IGF1R: variants seen among roughly 807,000 people sequenced by gnomAD.
IGF1R encodes the protein insulin like growth factor 1 receptor.
Under a neutral mutation model 144.6 loss-of-function variants are expected in IGF1R, and 44 were observed. The observed-to-expected ratio is 0.30, with a 90% CI of 0.24 to 0.39. The LOEUF is 0.39. Among genes scored for constraint, IGF1R ranks in the 10% least tolerant of loss-of-function variants. The pLI is 1.00. For synonymous variants in IGF1R, 795 were observed against 722.8 expected, an observed-to-expected ratio of 1.10 and a Z score of -1.60; for missense variants, 1,355 against 1,833.7, an observed-to-expected ratio of 0.74 and a Z score of 4.77.
At chr15:98,875,627 G>A (rs1386475715) in intron 2 of IGF1R, among the ~76,000 whole-genome samples, 1 of 151,936 alleles carries the variant, frequency 6.6e-6, no homozygotes, top group Non-Finnish European at 1.5e-5. Context: ...CTGTAGAGCT[G>A]CCCTGCTTGT....
chr15:98,764,070 G>T (rs1277438514), intron 2 of IGF1R, among the ~76,000 whole-genome samples: 5 of 152,214 alleles, frequency 3.3e-5, no homozygotes, highest in Non-Finnish European at 7.3e-5. Context: ...ATTTGTTCTT[G>T]TGAGGGCTGT....
Position 98,922,488 on chromosome 15 carries a change from A to G in IGF1R, c.2485+57A>G, listed in dbSNP as rs746007986. ...CCTTCCTCACAACCTAGTGGAGAAG[A>G]TGTGTTTTATGGACACAGGGTCTGA... On this transcript the variant is annotated intron_variant, in intron 11 of 20. Coordinates refer to ENST00000650285, the MANE Select transcript of IGF1R (RefSeq NM_000875.5). 2.5e-6 allele frequency: 4 copies of G among 1,581,598 alleles called. No individual in the cohort carries two copies. In the South Asian group the frequency reaches 3.3e-5, roughly 13 times the overall value.
chr15:98,654,269 T>C (rs2052436258), intron 1 of IGF1R, among the ~76,000 whole-genome samples: 4 of 152,210 alleles, frequency 2.6e-5, no homozygotes, highest in African/African-American at 9.7e-5. Context: ...GGCGGCACTG[T>C]CTTCTTTATA....
At chr15:98,684,470 G>A (rs553392288) in intron 1 of IGF1R, among the ~76,000 whole-genome samples, 1 of 152,134 alleles carries the variant, frequency 6.6e-6, no homozygotes, top group African/African-American at 2.4e-5. Context: ...AAAAAAAAAT[G>A]TATTCAGCCA....
At chr15:98,650,362 CG>C (rs1016368294) in intron 1 of IGF1R, among the ~76,000 whole-genome samples, 24 of 152,222 alleles carry the variant, frequency 1.6e-4, no homozygotes, top group Admixed American at 1.3e-4. Flanking sequence ...CCCGGCGTCC[CG>C]GGGCTGGGCG....
chr15:98,833,450 G>T (rs2715436), intron 2 of IGF1R, among the ~76,000 whole-genome samples: 2 of 152,140 alleles, frequency 1.3e-5, no homozygotes, highest in Non-Finnish European at 2.9e-5. Flanking sequence ...GCTATTTTGT[G>T]GAAGTGAGCG....
At chr15:98,800,622 C>G (rs762088469) in intron 2 of IGF1R, among the ~76,000 whole-genome samples, 1 of 152,176 alleles carries the variant, frequency 6.6e-6, no homozygotes, top group Non-Finnish European at 1.5e-5. Context: ...TGCAGGATGC[C>G]CTCCCAGCCC....
rs151002057 is a variant in IGF1R at position 98,912,236 on chromosome 15, T to C, written c.1589+795T>C. Among the ~76,000 whole-genome samples, 5 of 152,374 alleles carry C rather than the reference T, an allele frequency of 3.3e-5. No individual in the cohort carries two copies. In the East Asian group the frequency reaches 5.8e-4, roughly 18 times the overall value. Reference sequence around the variant, plus strand: ...AAGAGCAGCAACCAGAGGCACCTTATGACAGCATCTTGTACTCTTTCCTCC... The same window carrying C: ...AAGAGCAGCAACCAGAGGCACCTTACGACAGCATCTTGTACTCTTTCCTCC... On this transcript the variant is annotated intron_variant, in intron 7 of 20. Transcript: ENST00000650285.
intron 2 of IGF1R, among the ~76,000 whole-genome samples, chr15:98,883,672 C>T (rs968753150): frequency 2.0e-5 from 3 of 152,186 alleles, no homozygotes; most frequent in Non-Finnish European, 4.4e-5. Context: ...GTGGACTCAG[C>T]GCCTGCCCCG....
chr15:98,712,791 G>A (rs1233720167), intron 2 of IGF1R, among the ~76,000 whole-genome samples: 5 of 151,246 alleles, frequency 3.3e-5, no homozygotes, highest in Admixed American at 1.3e-4. Flanking sequence ...TGTATTTTTA[G>A]TAGAGACGGG....
intron 8 of IGF1R, among the ~76,000 whole-genome samples, chr15:98,915,130 C>CT (rs1054213115): frequency 6.6e-5 from 10 of 152,154 alleles, no homozygotes; most frequent in Non-Finnish European, 1.5e-4. Flanking sequence ...AACATTGATG[C>CT]TTTTTTGTGA....
At chr15:98,769,109 C>T (rs1227073301) in intron 2 of IGF1R, among the ~76,000 whole-genome samples, 2 of 152,226 alleles carry the variant, frequency 1.3e-5, no homozygotes, top group Admixed American at 6.5e-5. Context: ...AAATAATCAG[C>T]AACAGTTTTA....
intron 1 of IGF1R, among the ~76,000 whole-genome samples, chr15:98,666,719 G>A (rs1282151518): frequency 6.6e-6 from 1 of 152,144 alleles, no homozygotes; most frequent in African/African-American, 2.4e-5. Context: ...AGAATGGTGA[G>A]GGGCGGTGAA....
intron 2 of IGF1R, among the ~76,000 whole-genome samples, chr15:98,783,304 C>A (rs905260595): frequency 6.6e-6 from 1 of 152,032 alleles, no homozygotes; most frequent in African/African-American, 2.4e-5. Context: ...CACCTACTTC[C>A]CTTCTATCTC....
chr15:98,956,450 G>GT (rs2016988619), intron 20 of IGF1R, among the ~76,000 whole-genome samples: 1 of 152,244 alleles, frequency 6.6e-6, no homozygotes, highest in African/African-American at 2.4e-5. Context: ...GAGCGAGCAC[G>GT]TGCTAGATGG....
At chr15:98,882,344 G>A (rs1472998546) in intron 2 of IGF1R, among the ~76,000 whole-genome samples, 1 of 152,238 alleles carries the variant, frequency 6.6e-6, no homozygotes, top group Non-Finnish European at 1.5e-5. Flanking sequence ...GAGGAAGTTC[G>A]TCAAGATGGG....
intron 2 of IGF1R, among the ~76,000 whole-genome samples, chr15:98,799,880 C>G (rs1365122299): frequency 6.6e-6 from 1 of 152,182 alleles, no homozygotes; most frequent in Non-Finnish European, 1.5e-5. Context: ...CTTGGATTAT[C>G]TTGTCTCTGG....
chr15:98,951,076 G>A (rs1407187173), intron 20 of IGF1R, among the ~76,000 whole-genome samples: 1 of 152,220 alleles, frequency 6.6e-6, no homozygotes. Context: ...TTCAGCTGAA[G>A]TGTATCCCAG....
chr15:98,941,036 C>A (rs570662404), intron 18 of IGF1R, among the ~76,000 whole-genome samples: 1 of 152,228 alleles, frequency 6.6e-6, no homozygotes, highest in Non-Finnish European at 1.5e-5. Context: ...ACATTGTCCC[C>A]GTGGAAATGC....
Sources: allele counts gnomAD v4.1 joint callset (sites outside exome capture counted in the v4.1 genomes callset), GRCh38; gene constraint gnomAD v4.1.1; transcripts MANE v1.5; gene names NCBI Gene and HGNC (gene_info 2026-07-23, HGNC 2026-07-21).